The following RNF151 variants were observed in gnomAD, a reference collection of about 807,000 sequenced individuals.
RNF151 encodes ring finger protein 151.
A neutral mutation model predicts 11.1 loss-of-function variants in RNF151; 9 were observed. The observed-to-expected ratio is 0.81, with a 90% CI of 0.49 to 1.42. RNF151 has a LOEUF of 1.42. Ranked by LOEUF, RNF151 falls within the 40% of genes most tolerant of loss-of-function variation. The pLI is 0.00. For synonymous variants in RNF151, 172 were observed against 140.7 expected (o/e 1.22, Z -1.58); for missense variants, 372 against 342.9 (o/e 1.08, Z -0.67).
chr16:1,967,232 G>C, intron 1 of RNF151, 42 bp from the exon 2 acceptor site: 1 of 1,593,868 alleles, frequency 6.3e-7, no homozygotes, highest in African/African-American at 1.3e-5. Flanking sequence ...ACCAGGGACT[G>C]GATCACTGTC....
Position 1,967,746 on chromosome 16 carries a change from T to TAGGTGACA in RNF151, c.174_175insTGACAAGG (p.Lys59Ter). ...CCAGACAAAAGACCTGTCCGTGCTGTAGGAAAGAGGTGAAAAGGAAAAAGG... is the reference window on the plus strand; with the variant it reads ...CCAGACAAAAGACCTGTCCGTGCTGTAGGTGACAAGGAAAGAGGTGAAAAGGAAAAAGG... On this transcript the variant is annotated stop_gained and frameshift_variant, in exon 3 of 4. Transcript: ENST00000569714. LOFTEE classifies it high-confidence loss of function. 1 of 1,611,604 alleles carries TAGGTGACA rather than the reference T, an allele frequency of 6.2e-7. No homozygotes were observed.
At position 1,968,449 on chromosome 16, in the gene RNF151, G is replaced by T. The variant is rs749042000; in HGVS notation, c.262G>T (p.Ala88Ser). 2 of 1,563,224 alleles carry T rather than the reference G, an allele frequency of 1.3e-6. No individual in the cohort carries two copies. The highest frequency in any genetic ancestry group is 1.2e-5 in the South Asian group (1 of 86,618). Residue 88 changes from alanine to serine, a missense_variant, in exon 4 of 4, where the codon GCT becomes TCT. Physicochemically the swap from Ala to Ser is moderately conservative, Grantham distance 99. Coordinates refer to ENST00000569714, the MANE Select transcript of RNF151 (RefSeq NM_174903.6). ...TCACCCTCAGTGCAAGAACGCCGAC[G>T]CTGGCTGCATAGTGACATGCCCCCT... ...RLEVKCKNADAGCIVTCPLAH... is the reference protein window; with the variant it reads ...RLEVKCKNADSGCIVTCPLAH...
At position 1,967,755 on chromosome 16, in the gene RNF151, G is replaced by C. The variant is rs765033051; in HGVS notation, c.180G>C (p.Glu60Asp). The C allele has an allele frequency of 6.2e-7, 1 of 1,612,124 alleles. No homozygotes were observed. Among genetic ancestry groups the C allele is most frequent in the Non-Finnish European group, 8.5e-7 (1 of 1,179,182 alleles). ...AGACCTGTCCGTGCTGTAGGAAAGA[G>C]GTGAAAAGGAAAAAGGTTGTCCACA... ...RQKTCPCCRK[E>D]VKRKKVVHMN... Residue 60 changes from glutamate to aspartate, a missense_variant, in exon 3 of 4, where the codon GAG becomes GAC. Physicochemically the swap from Glu to Asp is conservative, Grantham distance 45. Coordinates refer to ENST00000569714, the MANE Select transcript of RNF151 (RefSeq NM_174903.6).
At position 1,968,556 on chromosome 16, in the gene RNF151, G is replaced by C. The variant is rs549557235; in HGVS notation, c.369G>C (p.Pro123=). ...CPNEGCTSQV[P]RGTLAEHRQH... ...ACGAGGGCTGCACCTCGCAGGTGCC[G>C]CGTGGGACCCTGGCAGAGCACCGGC... The change falls in exon 4 of 4, where the codon CCG becomes CCC. Residue 123 remains proline (P), a synonymous_variant. Transcript: ENST00000569714. 4 of 1,608,308 alleles carry C rather than the reference G, an allele frequency of 2.5e-6. No homozygotes were observed. Among genetic ancestry groups the C allele is most frequent in the Non-Finnish European group, 3.4e-6 (4 of 1,178,154 alleles).
At position 1,968,610 on chromosome 16, in the gene RNF151, C is replaced by G; in HGVS notation, c.423C>G (p.Arg141=). 1 of 1,577,788 alleles carries G rather than the reference C, an allele frequency of 6.3e-7. No individual in the cohort carries two copies. The highest frequency in any genetic ancestry group is 8.6e-7 in the Non-Finnish European group (1 of 1,162,994). ...RQHCQQGSQQ[R]CPLGCGATLD... ...ATTGCCAGCAAGGGTCCCAGCAGCG[C>G]TGCCCCCTGGGCTGCGGGGCCACCC... is the stretch of plus-strand genomic sequence containing the variant. The change falls in exon 4 of 4, where the codon CGC becomes CGG. Residue 141 remains arginine (R), a synonymous_variant. Coordinates refer to ENST00000569714, the MANE Select transcript of RNF151 (RefSeq NM_174903.6).
intron 1 of RNF151, 72 bp downstream of exon 1, chr16:1,966,956 G>A (rs570137408): frequency 1.3e-6 from 2 of 1,498,442 alleles, no homozygotes; most frequent in East Asian, 4.6e-5. Flanking sequence ...CAGTTGTCCA[G>A]GGATCGACCC....
chr16:1,968,399 GC>G (rs2083330129), intron 3 of RNF151, 34 bp from the exon 4 acceptor site: 3 of 1,491,024 alleles, frequency 2.0e-6, no homozygotes, highest in African/African-American at 1.4e-5. Flanking sequence ...TGGGTGTCCT[GC>G]CCGGTTTCTT....
In RNF151 at chr16:1,966,902, T is replaced by C. The variant is rs998484838; in HGVS notation, c.3+18T>C. ...AGATCATGGTGAGCCTGGGGCCCTC[T>C]TGCTTCCAGCCCTGAGATGTGTGCC... On this transcript the variant is annotated intron_variant, in intron 1 of 3. Transcript: ENST00000569714. The C allele has an allele frequency of 1.1e-5, 18 of 1,574,290 alleles. No homozygotes were observed. In the African/African-American group the frequency reaches 2.4e-4, roughly 21 times the overall value.
rs768725727 is a variant in RNF151 at position 1,968,860 on chromosome 16, G to T, written c.673G>T (p.Ala225Ser). ...TGCCCCACAGGAGGAGGCCGAGGCTGCCCCAGAAGGCAACGTTGGGGCTGA... is the reference window on the plus strand; with the variant it reads ...TGCCCCACAGGAGGAGGCCGAGGCTTCCCCAGAAGGCAACGTTGGGGCTGA... ...EGAPQEEAEA[A>S]PEGNVGAEVV... is the part of the protein sequence containing the mutation. The change falls in exon 4 of 4, where the codon GCC becomes TCC. Residue 225 changes from alanine to serine, a missense_variant. Transcript: ENST00000569714. 2.5e-6 allele frequency: 4 copies of T among 1,598,068 alleles called. No individual in the cohort carries two copies. In the South Asian group the frequency reaches 4.5e-5, roughly 18 times the overall value.
Position 1,968,512 on chromosome 16 carries a change from G to A in RNF151, c.325G>A (p.Glu109Lys). The A allele has an allele frequency of 2.5e-6, 4 of 1,608,714 alleles. No individual in the cohort carries two copies. The highest frequency in any genetic ancestry group is 2.2e-5 in the East Asian group (1 of 44,658). ...RKGHQDSCPF[E>K]LTACPNEGCT... ...GGGGCACCAGGACTCATGCCCCTTT[G>A]AGCTAACGGCCTGCCCCAACGAGGG... The change falls in exon 4 of 4, where the codon GAG becomes AAG. Residue 109 changes from glutamate (E) to lysine (K), a missense_variant. Physicochemically the swap from Glu to Lys is moderately conservative, Grantham distance 56. Transcript: ENST00000569714.
rs146108433 is a variant in RNF151 at position 1,967,803 on chromosome 16, T to G, written c.228T>G (p.Ile76Met). The part of the protein sequence containing the change: ...VVHMNKLRKT[I>M]GRLEVKCKNA... The stretch of plus-strand genomic sequence containing the variant: ...ACATGAATAAACTCCGGAAAACCAT[T>G]GGCCGCCTGGAAGTCAAGGTAGCTC... Residue 76 changes from isoleucine to methionine, a missense_variant, in exon 3 of 4, where the codon ATT becomes ATG. Coordinates refer to ENST00000569714, the MANE Select transcript of RNF151 (RefSeq NM_174903.6). 4,555 of 1,609,448 alleles carry G rather than the reference T, an allele frequency of 2.8e-3. 114 individuals carry two copies. The East Asian group carries it at 0.034, about 12-fold the overall frequency.
In RNF151 at chr16:1,968,603, A is replaced by T. The variant is rs1425222822; in HGVS notation, c.416A>T (p.Gln139Leu). 1 of 1,582,212 alleles carries T rather than the reference A, an allele frequency of 6.3e-7. No homozygotes were observed. The highest frequency in any genetic ancestry group is 1.2e-5 in the South Asian group (1 of 86,758). ...CGGCAGCATTGCCAGCAAGGGTCCCAGCAGCGCTGCCCCCTGGGCTGCGGG... is the reference window on the plus strand; with the variant it reads ...CGGCAGCATTGCCAGCAAGGGTCCCTGCAGCGCTGCCCCCTGGGCTGCGGG... ...EHRQHCQQGS[Q>L]QRCPLGCGAT... The change falls in exon 4 of 4, where the codon CAG becomes CTG. Residue 139 changes from glutamine to leucine, a missense_variant. Transcript: ENST00000569714.
Position 1,968,614 on chromosome 16 carries a change from C to G in RNF151, c.427C>G (p.Pro143Ala). 6.3e-7 allele frequency: 1 copy of G among 1,575,598 alleles called. No homozygotes were observed. The highest frequency in any genetic ancestry group is 1.8e-5 in the Admixed American group (1 of 54,996). ...CCAGCAAGGGTCCCAGCAGCGCTGC[C>G]CCCTGGGCTGCGGGGCCACCCTGGA... ...HCQQGSQQRCPLGCGATLDPA... is the reference protein window; with the variant it reads ...HCQQGSQQRCALGCGATLDPA... Residue 143 changes from proline to alanine, a missense_variant, in exon 4 of 4, where the codon CCC becomes GCC. Transcript: ENST00000569714.
intron 2 of RNF151, 38 bp from the exon 3 acceptor site, chr16:1,967,687 C>CA: frequency 6.6e-7 from 1 of 1,521,382 alleles, no homozygotes; most frequent in Non-Finnish European, 9.0e-7. Flanking sequence ...GCTCCCTTCC[C>CA]ACTCCCAACA....
chr16:1,967,303 C>T lies in RNF151; in HGVS notation c.33C>T (p.Ala11=), dbSNP rs988249060. ...GCGGGTATGATCTCAACCTCTTCGC[C>T]AGCCCTCCTGACAGCAACTTCGTGT... The part of the protein sequence containing the change: MGGGYDLNLF[A]SPPDSNFVCS... The change falls in exon 2 of 4, where the codon GCC becomes GCT. Residue 11 remains alanine, a synonymous_variant. Transcript: ENST00000569714. 1.2e-6 allele frequency: 2 copies of T among 1,613,518 alleles called. No homozygotes were observed. The highest frequency in any genetic ancestry group is 2.2e-5 in the East Asian group (1 of 44,880).
At chr16:1,967,070 G>A (rs72633262) in intron 1 of RNF151, among the ~76,000 whole-genome samples, 186 bp downstream of exon 1, 9,995 of 152,230 alleles carry the variant, frequency 0.066, 668 homozygotes, top group East Asian at 0.31. Flanking sequence ...TAAGGCCCCC[G>A]TCTCCAGCCA....
rs2083324357 is a variant in RNF151 at position 1,967,756 on chromosome 16, G to A, written c.181G>A (p.Val61Met). 3.7e-6 allele frequency: 6 copies of A among 1,612,196 alleles called. No homozygotes were observed. Among genetic ancestry groups the A allele is most frequent in the Non-Finnish European group, 5.1e-6 (6 of 1,179,218 alleles). The change falls in exon 3 of 4, where the codon GTG becomes ATG. Residue 61 changes from valine to methionine, a missense_variant. Transcript: ENST00000569714. ...GACCTGTCCGTGCTGTAGGAAAGAGGTGAAAAGGAAAAAGGTTGTCCACAT... is the reference window on the plus strand; with the variant it reads ...GACCTGTCCGTGCTGTAGGAAAGAGATGAAAAGGAAAAAGGTTGTCCACAT... The part of the protein sequence containing the change: ...QKTCPCCRKE[V>M]KRKKVVHMNK...
chr16:1,968,875 G>A lies in RNF151; in HGVS notation c.688G>A (p.Val230Ile), dbSNP rs775278277. The A allele has an allele frequency of 7.4e-5, 118 of 1,600,732 alleles. No homozygotes were observed. The highest frequency in any genetic ancestry group is 9.6e-5 in the Non-Finnish European group (113 of 1,174,486). The change falls in exon 4 of 4, where the codon GTT becomes ATT. Residue 230 changes from valine to isoleucine, a missense_variant. Coordinates refer to ENST00000569714, the MANE Select transcript of RNF151 (RefSeq NM_174903.6). ...EEAEAAPEGN[V>I]GAEVVGEPRA... ...GGCCGAGGCTGCCCCAGAAGGCAAC[G>A]TTGGGGCTGAGGTGGTGGGGGAGCC...
At chr16:1,968,331 G>T (rs938617898) in intron 3 of RNF151, 103 bp from the exon 4 acceptor site, 66 of 1,383,514 alleles carry the variant, frequency 4.8e-5, no homozygotes, top group Admixed American at 1.7e-4. Flanking sequence ...AGAAAAGCGT[G>T]GGAGGCTCCC....
Sources: allele counts gnomAD v4.1 joint callset (sites outside exome capture counted in the v4.1 genomes callset), GRCh38; gene constraint gnomAD v4.1.1; transcripts MANE v1.5; gene names NCBI Gene and HGNC (gene_info 2026-07-23, HGNC 2026-07-21).